IL1RAPL1: variants seen among roughly 807,000 people sequenced by gnomAD.
The protein encoded by IL1RAPL1 is interleukin 1 receptor accessory protein like 1.
Under a neutral mutation model 48.4 loss-of-function variants are expected in IL1RAPL1, and 3 were observed. That is an observed-to-expected ratio of 0.06 (90% CI 0.03 to 0.16). The LOEUF is 0.16. Among genes scored for constraint, IL1RAPL1 ranks in the 10% least tolerant of loss-of-function variants. The probability of loss-of-function intolerance (pLI) is 1.00; values close to 1 mark genes in which losing one functional copy is unlikely to be tolerated. For missense variants in IL1RAPL1, 349 were observed against 530.6 expected (o/e 0.66, Z 3.36); for synonymous variants, 185 against 187.7 (o/e 0.99, Z 0.12).
At chrX:28,720,458 A>T (rs1341947561) in intron 1 of IL1RAPL1, among the ~76,000 whole-genome samples, 2 of 112,177 alleles carry the variant, frequency 1.8e-5, no homozygotes. Context: ...TCTTTCAGTC[A>T]CATGGTATTT....
chrX:29,823,492 G>C (rs752297227), intron 6 of IL1RAPL1, among the ~76,000 whole-genome samples: 1 of 112,187 alleles, frequency 8.9e-6, no homozygotes, highest in South Asian at 3.7e-4. Context: ...TGAACTTCTT[G>C]TTGAGAAGAC....
chrX:29,753,618 G>A (rs961703714), intron 6 of IL1RAPL1, among the ~76,000 whole-genome samples: 16 of 111,357 alleles, frequency 1.4e-4, no homozygotes, highest in African/African-American at 4.9e-4. Context: ...TCTGCATGGT[G>A]TAAGGATGAT....
chrX:28,746,420 G>C (rs1277891007), intron 1 of IL1RAPL1, among the ~76,000 whole-genome samples: 2 of 111,597 alleles, frequency 1.8e-5, no homozygotes, highest in African/African-American at 3.3e-5. Context: ...TTTCAAGGTG[G>C]AGTTCATGGA....
At chrX:28,636,357 A>G (rs1204665422) in intron 1 of IL1RAPL1, among the ~76,000 whole-genome samples, 1 of 112,239 alleles carries the variant, frequency 8.9e-6, no homozygotes, top group Non-Finnish European at 1.9e-5. Flanking sequence ...GGAAGTTAGT[A>G]TCTTATAAAT....
chrX:28,766,125 A>G (rs1463884233), intron 1 of IL1RAPL1, among the ~76,000 whole-genome samples: 1 of 111,652 alleles, frequency 9.0e-6, no homozygotes, highest in Non-Finnish European at 1.9e-5. Flanking sequence ...TAAGAAAAAA[A>G]TGAATTCTAC....
intron 1 of IL1RAPL1, among the ~76,000 whole-genome samples, chrX:28,781,456 T>C (rs1420737533): frequency 9.1e-6 from 1 of 110,041 alleles, no homozygotes; most frequent in African/African-American, 3.3e-5. Context: ...TTCTTTCCTC[T>C]AACCTTTTCT....
chrX:29,683,706 A>G (rs1926531807), intron 6 of IL1RAPL1, among the ~76,000 whole-genome samples: 1 of 112,259 alleles, frequency 8.9e-6, no homozygotes, highest in Non-Finnish European at 1.9e-5. Flanking sequence ...TTCCTGTAAT[A>G]TTTAAAATGG....
At chrX:28,706,412 TTTC>T (rs1310827127) in intron 1 of IL1RAPL1, among the ~76,000 whole-genome samples, 215 of 107,998 alleles carry the variant, frequency 2.0e-3, no homozygotes, top group African/African-American at 7.2e-3. Context: ...CCTTTCTTTC[TTTC>T]TTTTCTTTTT....
intron 3 of IL1RAPL1, among the ~76,000 whole-genome samples, chrX:29,312,928 T>A (rs77580970): frequency 2.7e-5 from 3 of 111,480 alleles, no homozygotes; most frequent in East Asian, 5.6e-4. Flanking sequence ...ATGTAAGAAA[T>A]GCCTTTCACC....
intron 5 of IL1RAPL1, among the ~76,000 whole-genome samples, chrX:29,449,635 T>A (rs1318149891): frequency 9.2e-6 from 1 of 109,083 alleles, no homozygotes; most frequent in Non-Finnish European, 1.9e-5. Context: ...AAAGTGCATC[T>A]TTTTTCTTCC....
intron 5 of IL1RAPL1, among the ~76,000 whole-genome samples, chrX:29,416,127 G>A (rs1934212444): frequency 9.0e-6 from 1 of 111,463 alleles, no homozygotes; most frequent in African/African-American, 3.3e-5. Flanking sequence ...TTCTTTCCTA[G>A]ACACCAGATT....
chrX:28,713,093 G>A (rs1025748838), intron 1 of IL1RAPL1, among the ~76,000 whole-genome samples: 6 of 109,418 alleles, frequency 5.5e-5, no homozygotes, highest in East Asian at 2.9e-4. Context: ...TCACTGTGTC[G>A]CCCAGGCTGG....
intron 5 of IL1RAPL1, among the ~76,000 whole-genome samples, chrX:29,606,787 C>G (rs1340643197): frequency 9.1e-6 from 1 of 110,301 alleles, no homozygotes; most frequent in Non-Finnish European, 1.9e-5. Context: ...CAGGAGAATT[C>G]ATGTAATGAA....
chrX:28,710,468 GT>G (rs1424932497), intron 1 of IL1RAPL1, among the ~76,000 whole-genome samples: 1 of 109,729 alleles, frequency 9.1e-6, no homozygotes, highest in Non-Finnish European at 1.9e-5. Flanking sequence ...ACAGCAGTGG[GT>G]CAAACATAGG....
At chrX:29,247,312 A>G (rs1445232125) in intron 2 of IL1RAPL1, among the ~76,000 whole-genome samples, 1 of 111,970 alleles carries the variant, frequency 8.9e-6, no homozygotes, top group African/African-American at 3.2e-5. Flanking sequence ...ATGTGATTAA[A>G]AGAAAAATTT....
chrX:29,053,082 T>C (rs1927133211), intron 2 of IL1RAPL1, among the ~76,000 whole-genome samples: 2 of 111,366 alleles, frequency 1.8e-5, no homozygotes, highest in African/African-American at 6.5e-5. Flanking sequence ...TATGTGCTCA[T>C]GGGTTCTCAT....
chrX:28,814,341 T>TTTG (rs1555926315), intron 2 of IL1RAPL1, among the ~76,000 whole-genome samples: 1 of 89,751 alleles, frequency 1.1e-5, no homozygotes, highest in Non-Finnish European at 2.2e-5. Flanking sequence ...ATTTTCAGGT[T>TTTG]TGTGTGTGTG....
intron 5 of IL1RAPL1, among the ~76,000 whole-genome samples, chrX:29,617,719 A>C: frequency 8.9e-6 from 1 of 112,260 alleles, no homozygotes; most frequent in East Asian, 2.8e-4. Context: ...ATGGTTATGC[A>C]CTACTGCATT....
At chrX:29,950,020 T>G (rs181082484) in intron 9 of IL1RAPL1, among the ~76,000 whole-genome samples, 89 of 112,114 alleles carry the variant, frequency 7.9e-4, no homozygotes, top group African/African-American at 2.7e-3. Context: ...ATGCAGACTC[T>G]GGAGAAAGAG....
Sources: allele counts gnomAD v4.1 joint callset (sites outside exome capture counted in the v4.1 genomes callset), GRCh38; gene constraint gnomAD v4.1.1; transcripts MANE v1.5; gene names NCBI Gene and HGNC (gene_info 2026-07-23, HGNC 2026-07-21).